OR2L13: variants seen among roughly 807,000 people sequenced by gnomAD.
The protein encoded by OR2L13 is olfactory receptor 2L13.
A neutral mutation model predicts 15.3 loss-of-function variants in OR2L13; 14 were observed. The ratio of observed to expected loss-of-function variants is 0.91; its 90% CI spans 0.60 to 1.43. OR2L13 has a LOEUF of 1.43. Ranked by LOEUF, OR2L13 falls within the 40% of genes most tolerant of loss-of-function variation. OR2L13 has a pLI of 0.00. For synonymous variants in OR2L13, 152 were observed against 142.9 expected (o/e 1.06, Z -0.45); for missense variants, 367 against 387.9 (o/e 0.95, Z 0.45).
At chr1:248,044,871 T>C in the OR2L13 span, among the ~76,000 whole-genome samples, 1 of 151,396 alleles carries the variant, frequency 6.6e-6, no homozygotes, top group African/African-American at 2.4e-5. Context: ...GAAGGCTGAT[T>C]TGAAGCTCCC....
At chr1:247,987,022 G>C in the OR2L13 span, among the ~76,000 whole-genome samples, 1 of 151,786 alleles carries the variant, frequency 6.6e-6, no homozygotes, top group Non-Finnish European at 1.5e-5. Context: ...TTACCTTCTT[G>C]GTTATGTTTA....
the OR2L13 span, among the ~76,000 whole-genome samples, chr1:247,963,518 C>G: frequency 6.6e-6 from 1 of 152,090 alleles, no homozygotes; most frequent in African/African-American, 2.4e-5. Flanking sequence ...GAATTCCTAT[C>G]TCAGGAATAT....
At chr1:247,946,431 AT>A in the OR2L13 span, among the ~76,000 whole-genome samples, 1 of 152,186 alleles carries the variant, frequency 6.6e-6, no homozygotes, top group Non-Finnish European at 1.5e-5. Context: ...CCAGTCCTTC[AT>A]TATTATGATG....
the OR2L13 span, among the ~76,000 whole-genome samples, chr1:247,954,603 A>C: frequency 2.2e-5 from 3 of 135,558 alleles, no homozygotes; most frequent in African/African-American, 7.5e-5. Context: ...TTGAAAGTGA[A>C]ATATAAAATG....
the OR2L13 span, among the ~76,000 whole-genome samples, chr1:247,967,501 T>C: frequency 6.6e-6 from 1 of 152,194 alleles, no homozygotes; most frequent in Non-Finnish European, 1.5e-5. Flanking sequence ...AGTGCTGGGA[T>C]TACAGGCATG....
chr1:248,025,766 G>T, the OR2L13 span, among the ~76,000 whole-genome samples: 1 of 151,732 alleles, frequency 6.6e-6, no homozygotes, highest in Non-Finnish European at 1.5e-5. Context: ...ATACTATGCA[G>T]CCATAAAAAA....
At chr1:247,994,338 A>T in the OR2L13 span, among the ~76,000 whole-genome samples, 2 of 152,192 alleles carry the variant, frequency 1.3e-5, no homozygotes, top group African/African-American at 2.4e-5. Context: ...CGGAGCTTGC[A>T]GTGAGCTGAT....
the OR2L13 span, among the ~76,000 whole-genome samples, chr1:247,997,762 G>T: frequency 1.3e-5 from 2 of 152,204 alleles, no homozygotes; most frequent in East Asian, 3.9e-4. Context: ...ACTCATTTCT[G>T]AACGTTGGAC....
chr1:248,039,007 T>C, the OR2L13 span: 53 of 1,613,990 alleles, frequency 3.3e-5, no homozygotes, highest in Admixed American at 6.0e-4. Flanking sequence ...CTCACTGTAG[T>C]GTCCTTCTAC....
At chr1:248,061,807 T>C in the OR2L13 span, 59 of 451,908 alleles carry the variant, frequency 1.3e-4, 2 homozygotes, top group South Asian at 3.1e-3. Flanking sequence ...ACAACCTTTT[T>C]TCTTCATGGC....
chr1:247,971,214 C>A, the OR2L13 span, among the ~76,000 whole-genome samples: 1 of 151,812 alleles, frequency 6.6e-6, no homozygotes, highest in Non-Finnish European at 1.5e-5. Flanking sequence ...TGTTTTTTTA[C>A]TTTGCTTTTT....
chr1:247,958,126 A>G, the OR2L13 span, among the ~76,000 whole-genome samples: 2 of 152,028 alleles, frequency 1.3e-5, no homozygotes, highest in Admixed American at 1.3e-4. Flanking sequence ...TGTCCCAGAG[A>G]TTCTGGTATG....
the OR2L13 span, chr1:247,975,641 T>C: frequency 8.3e-7 from 1 of 1,200,632 alleles, no homozygotes; most frequent in Non-Finnish European, 1.2e-6. Flanking sequence ...AGTCAGAGAA[T>C]CTTCCCTGTG....
At chr1:247,963,287 G>A in the OR2L13 span, among the ~76,000 whole-genome samples, 1 of 152,148 alleles carries the variant, frequency 6.6e-6, no homozygotes, top group African/African-American at 2.4e-5. Flanking sequence ...GACCATATAG[G>A]GTAACTTCTG....
chr1:248,066,487 C>A, the OR2L13 span, among the ~76,000 whole-genome samples: 2 of 152,078 alleles, frequency 1.3e-5, no homozygotes, highest in African/African-American at 4.8e-5. Flanking sequence ...GATGAAATAT[C>A]TTATCAATCA....
chr1:247,961,888 G>T, the OR2L13 span, among the ~76,000 whole-genome samples: 43,907 of 152,114 alleles, frequency 0.29, 6,649 homozygotes, highest in East Asian at 0.42. Flanking sequence ...TTCTGAAAAT[G>T]TATGAGCCAC....
the OR2L13 span, among the ~76,000 whole-genome samples, chr1:248,034,216 T>G: frequency 6.6e-6 from 1 of 152,128 alleles, no homozygotes; most frequent in Admixed American, 6.5e-5. Context: ...ATCAATATTG[T>G]GAAAATGACC....
the OR2L13 span, among the ~76,000 whole-genome samples, chr1:248,011,711 C>A: frequency 6.6e-6 from 1 of 152,076 alleles, no homozygotes; most frequent in African/African-American, 2.4e-5. Flanking sequence ...GTATTATTAA[C>A]CATTAGCTAT....
chr1:248,050,084 G>A, the OR2L13 span, among the ~76,000 whole-genome samples: 4 of 152,150 alleles, frequency 2.6e-5, no homozygotes, highest in Non-Finnish European at 5.9e-5. Flanking sequence ...AGGTGCCAAT[G>A]TGTGGAGAGA....
Sources: gnomAD v4.1 joint callset for allele counts (sites outside exome capture counted in the v4.1 genomes callset) on GRCh38, gnomAD v4.1.1 for gene constraint, MANE v1.5 for transcripts, NCBI Gene and HGNC (gene_info 2026-07-23, HGNC 2026-07-21) for gene names.